Variants in TENM2 observed in about 807,000 individuals in gnomAD.
The protein encoded by TENM2 is teneurin transmembrane protein 2.
TENM2 carries 52 observed loss-of-function variants against 245.2 expected under a neutral mutation model. The observed-to-expected ratio is 0.21, with a 90% CI of 0.17 to 0.27. The LOEUF (loss-of-function observed/expected upper bound fraction) is 0.27, where lower values mean the gene tolerates loss of function less well. Ranked by LOEUF, TENM2 falls within the 10% of genes least tolerant of loss-of-function variation. TENM2 has a pLI of 1.00. For synonymous variants in TENM2, 1,363 were observed against 1,438.9 expected (o/e 0.95, Z 1.19); for missense variants, 3,046 against 3,666.8 (o/e 0.83, Z 4.37).
the TENM2 span, among the ~76,000 whole-genome samples, chr5:167,228,819 C>G: frequency 1.1e-4 from 16 of 152,188 alleles, no homozygotes; most frequent in South Asian, 1.7e-3. Context: ...ATTCTCCCAC[C>G]TCAGCCTCCT....
intron 2 of TENM2, among the ~76,000 whole-genome samples, chr5:167,764,229 ATT>A (rs1336511397): frequency 1.3e-5 from 2 of 152,072 alleles, no homozygotes; most frequent in African/African-American, 4.8e-5. Flanking sequence ...GCTGCTATCC[ATT>A]CTTTATGTCC....
At chr5:167,847,872 G>T (rs188568458) in intron 2 of TENM2, among the ~76,000 whole-genome samples, 1 of 152,006 alleles carries the variant, frequency 6.6e-6, no homozygotes, top group African/African-American at 2.4e-5. Context: ...ATTTGCTTCC[G>T]TTCAGTCATA....
intron 9 of TENM2, 131 bp downstream of exon 11, chr5:168,098,258 G>T: frequency 1.5e-6 from 1 of 673,344 alleles, no homozygotes; most frequent in Non-Finnish European, 2.6e-6. Flanking sequence ...GCCCATGCAT[G>T]CCAGAAGGCA....
At chr5:167,126,657 A>G in the TENM2 span, among the ~76,000 whole-genome samples, 109,657 of 152,086 alleles carry the variant, frequency 0.72, 40,841 homozygotes, top group African/African-American at 0.9. Flanking sequence ...CTGTAATGAC[A>G]TCACCAGATA....
intron 2 of TENM2, among the ~76,000 whole-genome samples, chr5:167,683,006 T>A (rs1296511202): frequency 6.6e-6 from 1 of 152,170 alleles, no homozygotes; most frequent in African/African-American, 2.4e-5. Flanking sequence ...TCAAATTACC[T>A]ATAATAAGAC....
chr5:167,988,374 T>C (rs1272804187), intron 4 of TENM2, among the ~76,000 whole-genome samples: 6 of 152,204 alleles, frequency 3.9e-5, no homozygotes, highest in Non-Finnish European at 8.8e-5. Context: ...TTTTAAACTT[T>C]ATTGAAATTC....
At chr5:167,553,093 C>T (rs948283058) in intron 2 of TENM2, among the ~76,000 whole-genome samples, 2 of 152,194 alleles carry the variant, frequency 1.3e-5, no homozygotes, top group African/African-American at 2.4e-5. Context: ...AGAGGACACA[C>T]AGCAAAGGAA....
intron 1 of TENM2, among the ~76,000 whole-genome samples, chr5:167,370,341 CAAAAA>C (rs35067759): frequency 1.3e-3 from 95 of 73,462 alleles, no homozygotes; most frequent in African/African-American, 3.7e-3. Flanking sequence ...GACTCCGTCT[CAAAAA>C]AAAAAAAAAA....
At chr5:168,124,058 C>T (rs1183156807) in intron 10 of TENM2, among the ~76,000 whole-genome samples, 1 of 152,170 alleles carries the variant, frequency 6.6e-6, no homozygotes, top group African/African-American at 2.4e-5. Context: ...ATTAAGATGG[C>T]CAAACAATCA....
At chr5:168,253,092 G>A (rs1018035749) in intron 27 of TENM2, among the ~76,000 whole-genome samples, 23 of 151,618 alleles carry the variant, frequency 1.5e-4, no homozygotes, top group Admixed American at 3.9e-4. Context: ...TCAGCCTCCC[G>A]AGTAGCTGGG....
intron 2 of TENM2, among the ~76,000 whole-genome samples, chr5:167,630,731 C>T (rs1168880734): frequency 3.3e-5 from 5 of 152,146 alleles, no homozygotes; most frequent in Admixed American, 2.6e-4. Context: ...TAAAGCCAAA[C>T]TGGATCAGTA....
At chr5:168,110,296 C>T (rs1379527384) in intron 9 of TENM2, among the ~76,000 whole-genome samples, 1 of 152,076 alleles carries the variant, frequency 6.6e-6, no homozygotes, top group Non-Finnish European at 1.5e-5. Flanking sequence ...GAATAGTTTT[C>T]TCCCAGTGAA....
intron 2 of TENM2, among the ~76,000 whole-genome samples, chr5:167,613,265 T>G (rs1210643480): frequency 6.6e-6 from 1 of 152,152 alleles, no homozygotes; most frequent in East Asian, 1.9e-4. Context: ...ATAATAAAAT[T>G]ACTTACCTCA....
At chr5:167,673,960 A>G (rs550678641) in intron 2 of TENM2, among the ~76,000 whole-genome samples, 90 of 152,244 alleles carry the variant, frequency 5.9e-4, no homozygotes, top group African/African-American at 2.1e-3. Flanking sequence ...GAGGCTGTGT[A>G]GAATAACTGA....
At chr5:167,078,944 C>T in the TENM2 span, among the ~76,000 whole-genome samples, 2 of 152,020 alleles carry the variant, frequency 1.3e-5, no homozygotes, top group Admixed American at 6.6e-5. Flanking sequence ...ATATCACAAA[C>T]GCACAAAATA....
chr5:167,428,951 C>A (rs184522340), intron 2 of TENM2, among the ~76,000 whole-genome samples: 2 of 152,232 alleles, frequency 1.3e-5, no homozygotes, highest in Admixed American at 1.3e-4. Context: ...AAAATAATGT[C>A]CTTCTTCATC....
At position 167,880,416 on chromosome 5, in the gene TENM2, A is replaced by G. The variant is rs542520772; in HGVS notation, c.712+4221A>G. The stretch of plus-strand genomic sequence containing the variant: ...GAAAAATTTAAGGGAGAAAGTATAC[A>G]TATATGCTCAAATGTATAAAGTCCT... On this transcript the variant is annotated intron_variant, in intron 3 of 28. Coordinates refer to ENST00000518659, the Ensembl canonical transcript of TENM2. Among the ~76,000 whole-genome samples, 7 of 152,356 alleles carry G rather than the reference A, an allele frequency of 4.6e-5. No individual in the cohort carries two copies. In the East Asian group the frequency reaches 1.3e-3, roughly 29 times the overall value.
At chr5:167,191,932 G>A in the TENM2 span, among the ~76,000 whole-genome samples, 1 of 152,042 alleles carries the variant, frequency 6.6e-6, no homozygotes. Flanking sequence ...AGGTGATCTT[G>A]CTGGTATACT....
At chr5:167,399,339 G>T (rs1762242855) in intron 2 of TENM2, among the ~76,000 whole-genome samples, 1 of 152,172 alleles carries the variant, frequency 6.6e-6, no homozygotes, top group South Asian at 2.1e-4. Context: ...AGCGAGAGAT[G>T]TGGGATCAAA....
Sources: gnomAD v4.1 joint callset for allele counts (sites outside exome capture counted in the v4.1 genomes callset) on GRCh38, gnomAD v4.1.1 for gene constraint, MANE v1.5 for transcripts, NCBI Gene and HGNC (gene_info 2026-07-23, HGNC 2026-07-21) for gene names.